The following ATP13A2 variants were observed in gnomAD, a reference collection of about 807,000 sequenced individuals.
ATP13A2 encodes the protein ATPase cation transporting 13A2.
ATP13A2 carries 83 observed loss-of-function variants against 138.3 expected under a neutral mutation model. The observed-to-expected ratio is 0.60, with a 90% CI of 0.50 to 0.72. ATP13A2 has a LOEUF of 0.72. ATP13A2 is among the 30% of genes least tolerant of loss of function. ATP13A2 has a pLI of 0.00. For missense variants in ATP13A2, 1,402 were observed against 1,606.4 expected (o/e 0.87, Z 2.17); for synonymous variants, 663 against 699.0 (o/e 0.95, Z 0.81).
At chr1:16,994,765 C>A (rs992373393) in intron 15 of ATP13A2, among the ~76,000 whole-genome samples, 1 of 151,370 alleles carries the variant, frequency 6.6e-6, no homozygotes, top group African/African-American at 2.4e-5. Context: ...CGGGTTCAAG[C>A]GATTCTCCTG....
intron 11 of ATP13A2, among the ~76,000 whole-genome samples, chr1:16,998,600 C>T (rs2077229494): frequency 6.6e-6 from 1 of 152,112 alleles, no homozygotes; most frequent in Non-Finnish European, 1.5e-5. Flanking sequence ...CCAGTATCTA[C>T]CACCAAAATA....
chr1:16,993,116 T>C (rs527606614), intron 16 of ATP13A2, among the ~76,000 whole-genome samples: 1 of 152,302 alleles, frequency 6.6e-6, no homozygotes, highest in East Asian at 1.9e-4. Flanking sequence ...GGGGTTTCAC[T>C]ATGTTGGCCA....
rs748986186 is a variant in ATP13A2 at position 16,990,207 on chromosome 1, C to T, written c.2332G>A (p.Ala778Thr). The stretch of plus-strand genomic sequence containing the variant: ...GGCTGACCCCGCTCAGGGTGGGTGG[C>T]GTGGACGATGATCAGATGCTCCTGG... Reference protein sequence around the residue: ...APQEHLIIVHATHPERGQPAS... With the variant: ...APQEHLIIVHTTHPERGQPAS... The change falls in exon 21 of 29, where the codon GCC becomes ACC. Residue 778 changes from alanine to threonine, a missense_variant. Ala to Thr is a moderately conservative substitution (Grantham distance 58). Transcript: ENST00000326735. The T allele has an allele frequency of 7.4e-6, 12 of 1,613,828 alleles. No homozygotes were observed. Among genetic ancestry groups the T allele is most frequent in the East Asian group, 6.7e-5 (3 of 44,878 alleles).
At chr1:16,991,109 C>T (rs2076914127) in intron 20 of ATP13A2, among the ~76,000 whole-genome samples, 2 of 152,188 alleles carry the variant, frequency 1.3e-5, no homozygotes, top group East Asian at 3.9e-4. Context: ...ACCACCATAC[C>T]TGGCTAATTT....
At position 16,987,020 on chromosome 1, in the gene ATP13A2, G is replaced by A. The variant is rs958645946; in HGVS notation, c.3083+26C>T. ...GGTGGACAGGGAAGGGGCGGGATGG[G>A]GGTGGTCAGTCAGCTCCCTACTCAC... On this transcript the variant is annotated intron_variant, in intron 26 of 28. Transcript: ENST00000326735. 3.1e-6 allele frequency: 5 copies of A among 1,612,744 alleles called. No homozygotes were observed. In the African/African-American group the frequency reaches 5.3e-5, roughly 17 times the overall value.
At position 16,993,618 on chromosome 1, in the gene ATP13A2, G is replaced by A. The variant is rs1170094041; in HGVS notation, c.1749+11C>T. On this transcript the variant is annotated intron_variant, in intron 16 of 28. Transcript: ENST00000326735. Reference sequence around the variant, plus strand: ...CCAGAGGCAGGGGGCTGACCTGCTTGGCCTCCTCACCCAGCCAGTAGACTC... The same window carrying A: ...CCAGAGGCAGGGGGCTGACCTGCTTAGCCTCCTCACCCAGCCAGTAGACTC... The A allele has an allele frequency of 6.4e-7, 1 of 1,570,662 alleles. No individual in the cohort carries two copies. The highest frequency in any genetic ancestry group is 1.9e-4 in the Middle Eastern group (1 of 5,232).
At position 17,005,572 on chromosome 1, in the gene ATP13A2, G is replaced by A; in HGVS notation, c.106-16C>T. 6.2e-7 allele frequency: 1 copy of A among 1,614,252 alleles called. No homozygotes were observed. The highest frequency in any genetic ancestry group is 1.1e-5 in the South Asian group (1 of 91,088). On this transcript the variant is annotated splice_polypyrimidine_tract_variant and intron_variant, in intron 2 of 28. Coordinates refer to ENST00000326735, the MANE Select transcript of ATP13A2 (RefSeq NM_022089.4). ...CGCTGAGCCTCTGCGAACGCAGCGA[G>A]AGAGGGCCCAGGTCGGGGTGGGAAC... is the stretch of plus-strand genomic sequence containing the variant.
intron 23 of ATP13A2, 34 bp downstream of exon 23, chr1:16,989,657 A>G: frequency 6.2e-7 from 1 of 1,607,550 alleles, no homozygotes; most frequent in Non-Finnish European, 8.5e-7. Flanking sequence ...CAGTCTCCGC[A>G]GGCCCTTGCC....
At chr1:16,990,339 CTCATCCT>C (rs1186950746) in intron 20 of ATP13A2, 52 bp from the exon 21 acceptor site, 1 of 1,608,580 alleles carries the variant, frequency 6.2e-7, no homozygotes, top group Non-Finnish European at 8.5e-7. Flanking sequence ...GGAGGCCATC[CTCATCCT>C]GATCCTTACA....
intron 6 of ATP13A2, among the ~76,000 whole-genome samples, chr1:17,003,812 T>C (rs867024510): frequency 6.6e-6 from 1 of 151,926 alleles, no homozygotes; most frequent in Non-Finnish European, 1.5e-5. Context: ...TACAGGCACA[T>C]GCCATCACGC....
At chr1:16,996,605 G>C (rs1451429044) in intron 12 of ATP13A2, 109 bp from the exon 13 acceptor site, 2 of 873,680 alleles carry the variant, frequency 2.3e-6, no homozygotes, top group African/African-American at 3.3e-5. Flanking sequence ...CATGATGTTT[G>C]TGAAATTAGC....
At chr1:16,989,014 C>T (rs1171804825) in intron 23 of ATP13A2, among the ~76,000 whole-genome samples, 1 of 152,058 alleles carries the variant, frequency 6.6e-6, no homozygotes, top group African/African-American at 2.4e-5. Flanking sequence ...ACAACCTCCT[C>T]TGCTGCCCAA....
Position 17,011,861 on chromosome 1 carries a change from G to T in ATP13A2, c.-123C>A. ...CCGGGGCGAGGGGCGCTGGGCTAGC[G>T]CGGGGCTGGAGCAGGGCTGACGCGG... is the stretch of plus-strand genomic sequence containing the variant. On this transcript the variant is annotated 5_prime_UTR_variant, in exon 1 of 29. Coordinates refer to ENST00000326735, the MANE Select transcript of ATP13A2 (RefSeq NM_022089.4). This position sits in a 1 kb window ranked among gnomAD's most constrained non-coding sequence, Gnocchi z 7.3. 1.0e-6 allele frequency: 1 copy of T among 954,976 alleles called. No individual in the cohort carries two copies. Among genetic ancestry groups the T allele is most frequent in the Middle Eastern group, 4.8e-4 (1 of 2,076 alleles). The allele number at this position is 954,976 out of a possible 1,614,324, so 59.2% of individuals were successfully genotyped here.
chr1:17,000,463 G>C lies in ATP13A2; in HGVS notation c.777C>G (p.Tyr259Ter). 1 of 1,614,056 alleles carries C rather than the reference G, an allele frequency of 6.2e-7. No homozygotes were observed. Among genetic ancestry groups the C allele is most frequent in the Admixed American group, 1.7e-5 (1 of 60,024 alleles). ...AGGAAATGAGGAAGATGCACAGGGC[G>C]TACCAGTAGTAGTGGTCAGCCAGCC... is the stretch of plus-strand genomic sequence containing the variant. Reference protein sequence around the residue: ...ALWLADHYYWYALCIFLISSI... With the variant: ...ALWLADHYYW Residue 259 changes from tyrosine (Y) to a stop codon, truncating the protein, a stop_gained, in exon 9 of 29, where the codon TAC becomes TAG. Coordinates refer to ENST00000326735, the MANE Select transcript of ATP13A2 (RefSeq NM_022089.4). LOFTEE classifies it high-confidence loss of function.
At chr1:16,992,153 CAAG>C (rs746393641) in intron 18 of ATP13A2, 24 bp from the exon 19 acceptor site, 55 of 1,612,150 alleles carry the variant, frequency 3.4e-5, no homozygotes, top group Non-Finnish European at 4.2e-5. Flanking sequence ...GCAGGTGTCA[CAAG>C]GAGGGGATGG....
intron 15 of ATP13A2, among the ~76,000 whole-genome samples, chr1:16,994,493 A>G (rs1342569572): frequency 6.6e-6 from 1 of 151,882 alleles, no homozygotes; most frequent in African/African-American, 2.4e-5. Flanking sequence ...TTGGCCTCCC[A>G]GAGTGCTGGG....
intron 16 of ATP13A2, among the ~76,000 whole-genome samples, chr1:16,993,246 C>T (rs977151304): frequency 1.3e-5 from 2 of 151,336 alleles, no homozygotes; most frequent in East Asian, 2.0e-4. Flanking sequence ...GACAGGGTCT[C>T]GTTCTGTTAC....
At chr1:16,996,358 G>T (rs368349563) in intron 13 of ATP13A2, 28 bp downstream of exon 13, 6 of 1,613,578 alleles carry the variant, frequency 3.7e-6, no homozygotes, top group Non-Finnish European at 5.1e-6. Context: ...GGGGCTATGG[G>T]CAGAGGAGGG....
chr1:17,000,373 C>T (rs746062211), intron 9 of ATP13A2, 27 bp downstream of exon 9: 20 of 1,601,054 alleles, frequency 1.2e-5, no homozygotes, highest in Admixed American at 3.5e-5. Context: ...CCACCTGTCC[C>T]GTCCCCACCC....
Sources: gnomAD v4.1 joint callset for allele counts (sites outside exome capture counted in the v4.1 genomes callset) on GRCh38, gnomAD v4.1.1 for gene constraint, Gnocchi (gnomAD v3.1) non-coding constraint, MANE v1.5 for transcripts, NCBI Gene and HGNC (gene_info 2026-07-23, HGNC 2026-07-21) for gene names.